Variants in KIAA0586 observed in about 807,000 individuals in gnomAD.
The protein encoded by KIAA0586 is protein TALPID3.
KIAA0586 carries 144 observed loss-of-function variants against 169.8 expected under a neutral mutation model. The observed-to-expected ratio is 0.85, with a 90% CI of 0.74 to 0.97. KIAA0586 has a LOEUF of 0.97. Ranked by LOEUF, KIAA0586 falls within the 50% of genes least tolerant of loss-of-function variation. The probability of loss-of-function intolerance (pLI) is 0.00; values close to 1 mark genes in which losing one functional copy is unlikely to be tolerated. For missense variants in KIAA0586, 1,854 were observed against 1,823.0 expected, an observed-to-expected ratio of 1.02 and a Z score of -0.31; for synonymous variants, 625 against 612.4, an observed-to-expected ratio of 1.02 and a Z score of -0.30.
intron 27 of KIAA0586, 54 bp from the exon 28 acceptor site, chr14:58,508,501 T>G: frequency 7.3e-7 from 1 of 1,374,392 alleles, no homozygotes; most frequent in Non-Finnish European, 1.0e-6. Flanking sequence ...TGTTCATTTT[T>G]GAAGATAAAT....
intron 29 of KIAA0586, among the ~76,000 whole-genome samples, chr14:58,514,709 C>G (rs552897432): frequency 6.6e-6 from 1 of 151,876 alleles, no homozygotes; most frequent in Non-Finnish European, 1.5e-5. Context: ...ATCTTTGGAG[C>G]CTTTAAGAGT....
At chr14:58,526,660 C>G (rs929950491) in intron 29 of KIAA0586, among the ~76,000 whole-genome samples, 1 of 152,158 alleles carries the variant, frequency 6.6e-6, no homozygotes, top group Non-Finnish European at 1.5e-5. Flanking sequence ...TTCAAAGGAT[C>G]ACAACTCCTC....
At chr14:58,487,736 C>A in intron 22 of KIAA0586, 151 bp from the exon 23 acceptor site, 1 of 600,930 alleles carries the variant, frequency 1.7e-6, no homozygotes, top group Non-Finnish European at 2.9e-6. Flanking sequence ...ACATTAATGG[C>A]TACCACCATT....
chr14:58,543,788 A>G (rs969761126), intron 30 of KIAA0586: 2 of 395,974 alleles, frequency 5.1e-6, no homozygotes, highest in African/African-American at 2.1e-5. Flanking sequence ...TAGTTCTTCT[A>G]TGGACTATTT....
chr14:58,482,811 T>A (rs1250304238), intron 21 of KIAA0586, 99 bp downstream of exon 21: 1 of 874,266 alleles, frequency 1.1e-6, no homozygotes, highest in Non-Finnish European at 1.7e-6. Context: ...AGTATTATTA[T>A]CATTTTTAGA....
intron 4 of KIAA0586, 47 bp from the exon 5 acceptor site, chr14:58,442,659 T>C: frequency 7.6e-7 from 1 of 1,311,702 alleles, no homozygotes; most frequent in South Asian, 1.4e-5. Context: ...CTTGAAATGT[T>C]TCAATGTAGT....
intron 13 of KIAA0586, 76 bp downstream of exon 13, chr14:58,460,146 A>T (rs545056887): frequency 1.2e-6 from 1 of 857,854 alleles, no homozygotes; most frequent in African/African-American, 1.7e-5. Flanking sequence ...TAAATAATGA[A>T]GCGAATGTGA....
At chr14:58,444,293 A>G (rs561356506) in intron 6 of KIAA0586, 118 bp downstream of exon 6, 1 of 688,480 alleles carries the variant, frequency 1.5e-6, no homozygotes, top group Non-Finnish European at 2.5e-6. Context: ...TTCTGAAATC[A>G]TGATTTGCTT....
intron 28 of KIAA0586, among the ~76,000 whole-genome samples, 158 bp downstream of exon 28, chr14:58,508,867 A>G (rs1007398620): frequency 2.0e-5 from 3 of 152,058 alleles, no homozygotes; most frequent in African/African-American, 7.2e-5. Context: ...AATCTAGTTC[A>G]CCCAAGCTGT....
intron 4 of KIAA0586, chr14:58,440,959 A>G (rs1442047278): frequency 5.9e-6 from 1 of 168,720 alleles, no homozygotes; most frequent in Non-Finnish European, 1.3e-5. Flanking sequence ...AATGAATTGT[A>G]TACTTGAAAA....
rs753287970 is a variant in KIAA0586, at chr14:58,465,818, A to T, written c.2060-17A>T. On this transcript the variant is annotated splice_polypyrimidine_tract_variant and intron_variant, in intron 14 of 30. Transcript: ENST00000652326. Reference sequence around the variant, plus strand: ...CTAACAATATTTTAAAATATCTGCCATTGGTGATTATTATAGGCACTAAGG... The same window carrying T: ...CTAACAATATTTTAAAATATCTGCCTTTGGTGATTATTATAGGCACTAAGG... 12 of 1,474,380 alleles carry T rather than the reference A, an allele frequency of 8.1e-6. No homozygotes were observed. The African/African-American group carries it at 1.7e-4, about 21-fold the overall frequency. The allele number at this position is 1,474,380 out of a possible 1,614,324, so 91.3% of individuals were successfully genotyped here.
intron 26 of KIAA0586, among the ~76,000 whole-genome samples, chr14:58,495,925 C>A (rs955137943): frequency 1.4e-4 from 22 of 151,950 alleles, no homozygotes; most frequent in Admixed American, 3.9e-4. Context: ...GAAAAATTGC[C>A]CCTAGCTGTA....
At chr14:58,465,366 C>G (rs2040668193) in intron 14 of KIAA0586, among the ~76,000 whole-genome samples, 1 of 152,028 alleles carries the variant, frequency 6.6e-6, no homozygotes, top group Non-Finnish European at 1.5e-5. Flanking sequence ...CTTTTTCGTA[C>G]CTATGGAAAA....
intron 29 of KIAA0586, among the ~76,000 whole-genome samples, chr14:58,517,471 C>T (rs965497168): frequency 6.6e-6 from 1 of 152,126 alleles, no homozygotes; most frequent in Non-Finnish European, 1.5e-5. Flanking sequence ...ACTGATACTA[C>T]CATGTGTTGG....
At chr14:58,458,273 C>A (rs180730915) in intron 11 of KIAA0586, among the ~76,000 whole-genome samples, 200 bp from the exon 12 acceptor site, 4 of 152,140 alleles carry the variant, frequency 2.6e-5, no homozygotes, top group Non-Finnish European at 5.9e-5. Context: ...AAAACTAATA[C>A]CATGAAAACA....
intron 29 of KIAA0586, among the ~76,000 whole-genome samples, chr14:58,518,266 A>ATATTT (rs2044909199): frequency 6.6e-6 from 1 of 152,184 alleles, no homozygotes; most frequent in Non-Finnish European, 1.5e-5. Context: ...ATTTACTCTT[A>ATATTT]CATCTTTTTC....
chr14:58,443,018 A>G, intron 5 of KIAA0586, 138 bp downstream of exon 5: 1 of 657,526 alleles, frequency 1.5e-6, no homozygotes, highest in Non-Finnish European at 2.5e-6. Context: ...GAATTTTCCC[A>G]TTTGTGGTTG....
chr14:58,470,195 T>G (rs552456047), intron 16 of KIAA0586, among the ~76,000 whole-genome samples: 1 of 152,038 alleles, frequency 6.6e-6, no homozygotes, highest in Non-Finnish European at 1.5e-5. Flanking sequence ...ATTAAATAAT[T>G]AAGACATGTT....
chr14:58,512,612 C>G lies in KIAA0586; in HGVS notation c.4414C>G (p.Pro1472Ala). 6.7e-7 allele frequency: 1 copy of G among 1,503,342 alleles called. No individual in the cohort carries two copies. Among genetic ancestry groups the G allele is most frequent in the Non-Finnish European group, 8.9e-7 (1 of 1,125,892 alleles). 93.1% of individuals were successfully genotyped at this position (1,503,342 alleles called of 1,614,324 possible). The change falls in exon 29 of 31, where the codon CCT (proline) becomes GCT (alanine). Residue 1472 changes from proline (P) to alanine (A), a missense_variant. Transcript: ENST00000652326. ...LRVRNKSDIAPSQQQVSPGDM... is the reference protein window; with the variant it reads ...LRVRNKSDIAASQQQVSPGDM... Reference sequence around the variant, plus strand: ...TGTTAGAAATAAATCTGATATTGCACCTTCACAGCAACAAGGTAAGACTTG... The same window carrying G: ...TGTTAGAAATAAATCTGATATTGCAGCTTCACAGCAACAAGGTAAGACTTG...
Sources: gnomAD v4.1 joint callset for allele counts (sites outside exome capture counted in the v4.1 genomes callset) on GRCh38, gnomAD v4.1.1 for gene constraint, MANE v1.5 for transcripts, NCBI Gene and HGNC (gene_info 2026-07-23, HGNC 2026-07-21) for gene names.